COL21A1: variants seen among roughly 807,000 people sequenced by gnomAD.
COL21A1 encodes collagen type XXI alpha 1 chain, also known as collagen alpha-1(XXI) chain.
Under a neutral mutation model 137.9 loss-of-function variants are expected in COL21A1, and 149 were observed. The ratio of observed to expected loss-of-function variants is 1.08; its 90% CI spans 0.95 to 1.24. The LOEUF (loss-of-function observed/expected upper bound fraction) is 1.24, where lower values mean the gene tolerates loss of function less well. Ranked by LOEUF, COL21A1 falls within the 50% of genes most tolerant of loss-of-function variation. COL21A1 has a pLI of 0.00. For missense variants in COL21A1, 1,167 were observed against 1,158.4 expected, an observed-to-expected ratio of 1.01 and a Z score of -0.11; for synonymous variants, 456 against 391.5, an observed-to-expected ratio of 1.16 and a Z score of -1.95.
intron 1 of COL21A1, among the ~76,000 whole-genome samples, chr6:56,348,867 A>G (rs963663381): frequency 2.3e-4 from 35 of 152,164 alleles, no homozygotes; most frequent in African/African-American, 7.7e-4. Flanking sequence ...TCCTCACATC[A>G]TTTATCTTTG....
At chr6:56,334,088 A>G (rs1214035178) in intron 1 of COL21A1, among the ~76,000 whole-genome samples, 1 of 145,436 alleles carries the variant, frequency 6.9e-6, no homozygotes, top group Non-Finnish European at 1.5e-5. Flanking sequence ...AGAAAGAGGG[A>G]ATAGATAAAA....
chr6:56,370,678 A>G (rs956168514), intron 1 of COL21A1, among the ~76,000 whole-genome samples: 1 of 152,228 alleles, frequency 6.6e-6, no homozygotes, highest in African/African-American at 2.4e-5. Context: ...CAAAACATGA[A>G]TCAGTTGTAG....
chr6:56,307,609 G>A (rs1020334626), intron 1 of COL21A1, among the ~76,000 whole-genome samples: 9 of 152,198 alleles, frequency 5.9e-5, no homozygotes, highest in Non-Finnish European at 1.3e-4. Context: ...CGATTTTCCA[G>A]GTGCCGTCTG....
chr6:56,304,366 C>CT (rs1562047457), intron 1 of COL21A1, among the ~76,000 whole-genome samples: 1 of 151,830 alleles, frequency 6.6e-6, no homozygotes, highest in Non-Finnish European at 1.5e-5. Context: ...TGGTCCTGGA[C>CT]TTTTTTTGGT....
chr6:56,169,436 A>T (rs889586292), intron 5 of COL21A1, among the ~76,000 whole-genome samples: 7 of 151,972 alleles, frequency 4.6e-5, no homozygotes, highest in African/African-American at 1.7e-4. Context: ...TATGGTCAAG[A>T]CCTTTTGATG....
In COL21A1 at chr6:56,234,721, G is replaced by A. The variant is rs536781648; in HGVS notation, c.-39+12666C>T. On this transcript the variant is annotated intron_variant, in intron 1 of 29. Coordinates refer to ENST00000244728, the MANE Select transcript of COL21A1 (RefSeq NM_030820.4). The stretch of plus-strand genomic sequence containing the variant: ...CAATAGCTCCCTCACCCATACTCTC[G>A]CACTTCCCTCCTTTATCTTCCTCTG... Among the ~76,000 whole-genome samples the A allele has an allele frequency of 1.3e-4, 20 of 151,232 alleles. No homozygotes were observed. In the South Asian group the frequency reaches 3.3e-3, roughly 25 times the overall value.
chr6:56,177,400 A>T (rs975497722), intron 3 of COL21A1, among the ~76,000 whole-genome samples: 1 of 152,196 alleles, frequency 6.6e-6, no homozygotes, highest in Non-Finnish European at 1.5e-5. Flanking sequence ...AAGCATGTGA[A>T]TTTATCAAAT....
chr6:56,244,647 C>T (rs527612851), intron 1 of COL21A1, among the ~76,000 whole-genome samples: 13 of 152,090 alleles, frequency 8.5e-5, no homozygotes, highest in Admixed American at 4.6e-4. Flanking sequence ...GCTTAGATGC[C>T]GGAACTTGCT....
At position 56,387,365 on chromosome 6, in the gene COL21A1, AT is replaced by A. The variant is rs1440655152; in HGVS notation, c.-39+6605del. On this transcript the variant is annotated intron_variant, in intron 1 of 28. Coordinates refer to the COL21A1 transcript ENST00000370819. ...CTGTGCAAGAGGAGGACAGAACAAG[AT>A]GGCCAAATAGAACCCTTCAGCAATT... Among the ~76,000 whole-genome samples the A allele has an allele frequency of 8.1e-4, 123 of 152,302 alleles. 1 individual carries two copies. The highest frequency in any genetic ancestry group is 2.9e-3 in the African/African-American group (119 of 41,566).
chr6:56,181,434 G>T (rs536859379), intron 2 of COL21A1, among the ~76,000 whole-genome samples: 1 of 151,894 alleles, frequency 6.6e-6, no homozygotes, highest in Non-Finnish European at 1.5e-5. Flanking sequence ...GGATAGAAAA[G>T]CTTGTTGGCA....
At position 56,060,799 on chromosome 6, in the gene COL21A1, C is replaced by A. The variant is rs760438186; in HGVS notation, c.2353-4G>T. On this transcript the variant is annotated splice_region_variant and splice_polypyrimidine_tract_variant and intron_variant, in intron 26 of 29. Coordinates refer to ENST00000244728, the MANE Select transcript of COL21A1 (RefSeq NM_030820.4). Reference sequence around the variant, plus strand: ...ATTGTTCTGAAAACTCTCTTCCCTGCATCAAAGTGTTAGGGGTTATAACAT... The same window carrying A: ...ATTGTTCTGAAAACTCTCTTCCCTGAATCAAAGTGTTAGGGGTTATAACAT... 27 of 1,608,360 alleles carry A rather than the reference C, an allele frequency of 1.7e-5. No homozygotes were observed. The highest frequency in any genetic ancestry group is 2.2e-5 in the Non-Finnish European group (26 of 1,178,348).
At chr6:56,274,059 A>G (rs1022218017) in intron 1 of COL21A1, among the ~76,000 whole-genome samples, 2 of 152,214 alleles carry the variant, frequency 1.3e-5, no homozygotes, top group Non-Finnish European at 2.9e-5. Context: ...TATTCTTGGG[A>G]TGCAAGGCTG....
rs1773423676 is a variant in COL21A1 at position 56,130,182 on chromosome 6, TA to T, written c.1543-4034del. The stretch of plus-strand genomic sequence containing the variant: ...ACAGGGTTTTATATATATATATATA[TA>T]TATATATATATATATATATATATAT... On this transcript the variant is annotated intron_variant, in intron 12 of 29. Coordinates refer to ENST00000244728, the MANE Select transcript of COL21A1 (RefSeq NM_030820.4). Among the ~76,000 whole-genome samples, 10 of 23,926 alleles carry T rather than the reference TA, an allele frequency of 4.2e-4. 1 individual carries two copies. Among genetic ancestry groups the T allele is most frequent in the Admixed American group, 4.0e-3 (10 of 2,494 alleles). The allele number at this position is 23,926 out of a possible 152,430, so 15.7% of individuals were successfully genotyped here.
intron 12 of COL21A1, among the ~76,000 whole-genome samples, chr6:56,131,263 T>C (rs1036447042): frequency 3.3e-5 from 5 of 151,802 alleles, no homozygotes; most frequent in Non-Finnish European, 7.4e-5. Context: ...AATGAACTTA[T>C]AGCTAGAGGT....
chr6:56,261,767 T>A (rs988012743), intron 1 of COL21A1, among the ~76,000 whole-genome samples: 5 of 152,192 alleles, frequency 3.3e-5, no homozygotes, highest in Admixed American at 1.3e-4. Flanking sequence ...AACAAGGGAT[T>A]ATTTCTTGTT....
chr6:56,194,561 A>C (rs1418376098), intron 1 of COL21A1, among the ~76,000 whole-genome samples: 2 of 152,200 alleles, frequency 1.3e-5, no homozygotes, highest in East Asian at 3.8e-4. Context: ...GGGGCAATGC[A>C]AAATGGTAAA....
intron 1 of COL21A1, among the ~76,000 whole-genome samples, chr6:56,211,996 A>T (rs1342443127): frequency 2.0e-5 from 3 of 152,248 alleles, no homozygotes; most frequent in Middle Eastern, 6.8e-3. Context: ...CTGGAGAAAA[A>T]GGTGGTATCA....
chr6:56,368,166 T>A (rs990534766), intron 1 of COL21A1, among the ~76,000 whole-genome samples: 1 of 152,102 alleles, frequency 6.6e-6, no homozygotes, highest in Non-Finnish European at 1.5e-5. Flanking sequence ...GTCCTTTGAC[T>A]CAACTAAGCA....
chr6:56,143,828 C>G (rs189367521), intron 10 of COL21A1, among the ~76,000 whole-genome samples: 1 of 152,264 alleles, frequency 6.6e-6, no homozygotes, highest in East Asian at 1.9e-4. Context: ...TGAACACATT[C>G]TTTGGCACAC....
Sources: gnomAD v4.1 joint callset for allele counts (sites outside exome capture counted in the v4.1 genomes callset) on GRCh38, gnomAD v4.1.1 for gene constraint, MANE v1.5 for transcripts, NCBI Gene and HGNC (gene_info 2026-07-23, HGNC 2026-07-21) for gene names.